The following DMXL2 variants were observed in gnomAD, a reference collection of about 807,000 sequenced individuals.
DMXL2 encodes dmX-like protein 2.
In DMXL2, 103 loss-of-function variants were observed where a neutral mutation model predicts 331.1. That is an observed-to-expected ratio of 0.31 (90% CI 0.27 to 0.37). The LOEUF is 0.37. DMXL2 is among the 10% of genes least tolerant of loss of function. The probability of loss-of-function intolerance (pLI) is 1.00; values close to 1 mark genes in which losing one functional copy is unlikely to be tolerated. For synonymous variants in DMXL2, 1,281 were observed against 1,252.1 expected (o/e 1.02, Z -0.49); for missense variants, 3,171 against 3,642.9 (o/e 0.87, Z 3.33).
At chr15:51,513,046 C>T (rs896347232) in intron 15 of DMXL2, among the ~76,000 whole-genome samples, 5 of 152,030 alleles carry the variant, frequency 3.3e-5, no homozygotes, top group Admixed American at 6.6e-5. Context: ...TACACAAGTC[C>T]TTTAAGAACA....
Position 51,498,437 on chromosome 15 carries a change from T to A in DMXL2, c.4672+115A>T, listed in dbSNP as rs1018137829. ...ATAGTAATTACCTATTAAGGAGGTC[T>A]TTTCCCTGCAAAGTTTGAAAGTTGA... On this transcript the variant is annotated intron_variant, in intron 18 of 43. Transcript: ENST00000560891. The A allele has an allele frequency of 3.7e-6, 4 of 1,071,282 alleles. No homozygotes were observed. The African/African-American group carries it at 6.4e-5, about 17-fold the overall frequency. 66.4% of individuals were successfully genotyped at this position (1,071,282 alleles called of 1,614,324 possible).
rs2043783669 is a variant in DMXL2 at position 51,502,958 on chromosome 15, T to G, written c.2840A>C (p.Glu947Ala). Residue 947 changes from glutamate (E) to alanine (A), a missense_variant, in exon 17 of 44, where the codon GAA becomes GCA. By Grantham distance (107) the Glu-to-Ala change is moderately radical. This residue lies in a region of DMXL2 where 1,674 missense variants were observed against 1,780.2 expected (regional missense o/e 0.94). Transcript: ENST00000560891. ...PGQKNVDSSP[E>A]TSPSVSPMPH... Reference sequence around the variant, plus strand: ...CATGGGGCTCACACTAGGAGAGGTTTCTGGAGAAGAATCTACGTTCTTCTG... The same window carrying G: ...CATGGGGCTCACACTAGGAGAGGTTGCTGGAGAAGAATCTACGTTCTTCTG... 1 of 1,614,106 alleles carries G rather than the reference T, an allele frequency of 6.2e-7. No individual in the cohort carries two copies. The highest frequency in any genetic ancestry group is 1.3e-5 in the African/African-American group (1 of 75,048).
chr15:51,467,757 C>T lies in DMXL2; in HGVS notation c.7393-1446G>A, dbSNP rs188022313. On this transcript the variant is annotated intron_variant, in intron 29 of 43. Coordinates refer to ENST00000560891, the MANE Select transcript of DMXL2 (RefSeq NM_001378457.1). ...TTTTTTTTTTTTTGAGACGGAGTCT[C>T]ACTCTGTTGCCCAGGCTAGAGCGCA... Among the ~76,000 whole-genome samples, 956 of 147,746 alleles carry T rather than the reference C, an allele frequency of 6.5e-3. 8 individuals carry two copies. Among genetic ancestry groups the T allele is most frequent in the Non-Finnish European group, 9.5e-3 (642 of 67,340 alleles).
At chr15:51,449,747 G>GC (rs148549072) in intron 43 of DMXL2, among the ~76,000 whole-genome samples, 3 of 152,214 alleles carry the variant, frequency 2.0e-5, no homozygotes, top group Non-Finnish European at 4.4e-5. Context: ...AAGTCAAGGA[G>GC]CATCTGCACT....
intron 1 of DMXL2, among the ~76,000 whole-genome samples, chr15:51,611,396 A>G (rs2053961097): frequency 6.6e-6 from 1 of 152,212 alleles, no homozygotes; most frequent in South Asian, 2.1e-4. Flanking sequence ...CTACCCAAAA[A>G]TCATTCAAGA....
intron 6 of DMXL2, among the ~76,000 whole-genome samples, chr15:51,555,758 G>A (rs916956385): frequency 1.3e-5 from 2 of 151,882 alleles, no homozygotes; most frequent in African/African-American, 4.8e-5. Context: ...AAATAAAACT[G>A]AAAAATCATA....
In DMXL2 at chr15:51,491,648, G is replaced by C. The variant is rs1042819832; in HGVS notation, c.4883C>G (p.Ser1628Cys). Residue 1628 changes from serine (S) to cysteine (C), a missense_variant, in exon 20 of 44, where the codon TCT becomes TGT. Around this residue, in one of 7 missense-constraint regions of DMXL2, gnomAD observed 252 missense variants for 387.4 expected, o/e 0.65. Coordinates refer to ENST00000560891, the MANE Select transcript of DMXL2 (RefSeq NM_001378457.1). ...PAIQRGDPQWSELRAMGIGWW... is the reference protein window; with the variant it reads ...PAIQRGDPQWCELRAMGIGWW... ...TCCTATGCCCATAGCTCTTAATTCA[G>C]ACCACTGGGGGTCCCCTCTCTGAAT... 6.2e-7 allele frequency: 1 copy of C among 1,613,484 alleles called. No homozygotes were observed. Among genetic ancestry groups the C allele is most frequent in the African/African-American group, 1.3e-5 (1 of 74,826 alleles).
chr15:51,549,085 T>C (rs915289474), intron 6 of DMXL2, among the ~76,000 whole-genome samples: 1 of 152,072 alleles, frequency 6.6e-6, no homozygotes. Flanking sequence ...CTGTACCCAA[T>C]TTGTAGTCTT....
At chr15:51,507,495 G>T (rs943986835) in intron 15 of DMXL2, among the ~76,000 whole-genome samples, 1 of 152,054 alleles carries the variant, frequency 6.6e-6, no homozygotes, top group Non-Finnish European at 1.5e-5. Flanking sequence ...AGTCAAAGAG[G>T]GGACATTTTG....
intron 15 of DMXL2, among the ~76,000 whole-genome samples, chr15:51,511,770 G>A (rs1243166936): frequency 2.0e-5 from 3 of 152,184 alleles, no homozygotes; most frequent in African/African-American, 7.2e-5. Context: ...GTTCACAATA[G>A]CAAAGACTTG....
At position 51,480,818 on chromosome 15, in the gene DMXL2, C is replaced by T; in HGVS notation, c.6288G>A (p.Glu2096=). ...CTTTGGAATATGTCTTACTGGAATA[C>T]TCTTTAATAACTGATTCATGATTAC... ...EICNHESVIK[E]YSSKTYSKVE... is the part of the protein sequence containing the mutation. The change falls in exon 24 of 44, where the codon GAG becomes GAA. Residue 2096 remains glutamate (E), a synonymous_variant. Transcript: ENST00000560891. 1 of 1,611,674 alleles carries T rather than the reference C, an allele frequency of 6.2e-7. No individual in the cohort carries two copies. Among genetic ancestry groups the T allele is most frequent in the South Asian group, 1.1e-5 (1 of 90,640 alleles).
chr15:51,605,514 A>ATTATTTT (rs2053520971), intron 1 of DMXL2, among the ~76,000 whole-genome samples: 1 of 36,868 alleles, frequency 2.7e-5, no homozygotes, highest in East Asian at 7.0e-4. Flanking sequence ...ACAGATTAAT[A>ATTATTTT]TTCTTTTTTT....
chr15:51,454,046 A>T, intron 40 of DMXL2: 1 of 171,866 alleles, frequency 5.8e-6, no homozygotes, highest in Non-Finnish European at 1.2e-5. Context: ...TTTAAAATAT[A>T]ATGCATGTTT....
rs1448308171 is a variant in DMXL2, at chr15:51,481,092, T to C, written c.6014A>G (p.Glu2005Gly). Reference sequence around the variant, plus strand: ...CTTCTGATCTGATTGTTTATCTTTTTCCCTGGCATCTGTACTTTTCATCAC... The same window carrying C: ...CTTCTGATCTGATTGTTTATCTTTTCCCCTGGCATCTGTACTTTTCATCAC... ...GLVMKSTDAR[E>G]KDKQSDQKAS... Residue 2005 changes from glutamate (E) to glycine (G), a missense_variant, in exon 24 of 44, where the codon GAA (glutamate) becomes GGA (glycine). Glu to Gly is a moderately conservative substitution (Grantham distance 98). Transcript: ENST00000560891. The C allele has an allele frequency of 3.1e-6, 5 of 1,613,460 alleles. No individual in the cohort carries two copies. In the African/African-American group the frequency reaches 4.0e-5, roughly 13 times the overall value.
intron 3 of DMXL2, among the ~76,000 whole-genome samples, chr15:51,565,462 G>A (rs1254987271): frequency 2.0e-5 from 3 of 151,934 alleles, no homozygotes; most frequent in South Asian, 2.1e-4. Context: ...TATTCCTCAC[G>A]TCTCCATCTG....
intron 6 of DMXL2, among the ~76,000 whole-genome samples, chr15:51,554,541 G>C (rs1472268685): frequency 6.6e-6 from 1 of 152,140 alleles, no homozygotes; most frequent in Non-Finnish European, 1.5e-5. Flanking sequence ...CGCTTCTCAA[G>C]ACATTACAGA....
At chr15:51,543,950 T>C (rs928617281) in intron 8 of DMXL2, among the ~76,000 whole-genome samples, 2 of 152,182 alleles carry the variant, frequency 1.3e-5, no homozygotes, top group Non-Finnish European at 2.9e-5. Flanking sequence ...AATTTGAAGA[T>C]AAAACACGTT....
chr15:51,490,043 G>T (rs1354502581), intron 20 of DMXL2, among the ~76,000 whole-genome samples: 1 of 152,162 alleles, frequency 6.6e-6, no homozygotes, highest in African/African-American at 2.4e-5. Context: ...AACATTTAAT[G>T]TAGAAACTGT....
intron 1 of DMXL2, among the ~76,000 whole-genome samples, chr15:51,610,845 T>C (rs1467938281): frequency 6.6e-6 from 1 of 152,072 alleles, no homozygotes; most frequent in African/African-American, 2.4e-5. Context: ...ACATACCGCA[T>C]GCCACTTGCA....
Sources: gnomAD v4.1 joint callset for allele counts (sites outside exome capture counted in the v4.1 genomes callset) on GRCh38, gnomAD v4.1.1 for gene constraint, gnomAD v4.1.1 regional missense constraint, MANE v1.5 for transcripts, NCBI Gene and HGNC (gene_info 2026-07-23, HGNC 2026-07-21) for gene names.